The following SSX2IP variants were observed in gnomAD, a reference collection of about 807,000 sequenced individuals.
SSX2IP encodes the protein SSX family member 2 interacting protein, also known as afadin- and alpha-actinin-binding protein.
In SSX2IP, 55 loss-of-function variants were observed where a neutral mutation model predicts 84.9. The observed-to-expected ratio is 0.65, with a 90% confidence interval of 0.52 to 0.81. The LOEUF (loss-of-function observed/expected upper bound fraction) is 0.81. Ranked by LOEUF, SSX2IP falls within the 30% of genes least tolerant of loss-of-function variation. The pLI is 0.00. For missense variants in SSX2IP, 664 were observed against 705.2 expected, an observed-to-expected ratio of 0.94 and a Z score of 0.66; for synonymous variants, 239 against 234.7, an observed-to-expected ratio of 1.02 and a Z score of -0.17.
At chr1:84,664,781 C>G (rs1652527879) in intron 5 of SSX2IP, among the ~76,000 whole-genome samples, 1 of 151,898 alleles carries the variant, frequency 6.6e-6, no homozygotes, top group African/African-American at 2.4e-5. Flanking sequence ...TACCTTTTAC[C>G]TTACATATAG....
Position 84,664,398 on chromosome 1 carries a change from A to C in SSX2IP, c.673+19T>G, listed in dbSNP as rs1328705794. 2 of 1,565,236 alleles carry C rather than the reference A, an allele frequency of 1.3e-6. No individual in the cohort carries two copies. Among genetic ancestry groups the C allele is most frequent in the Admixed American group, 4.0e-5 (2 of 49,576 alleles). On this transcript the variant is annotated intron_variant, in intron 6 of 13. Coordinates refer to ENST00000342203, the MANE Select transcript of SSX2IP (RefSeq NM_001166293.2). ...ATTAGCTTATTTATTCTCTTAGCTGATCTTTGCCAGCTGTTTACCTATTTT... is the reference window on the plus strand; with the variant it reads ...ATTAGCTTATTTATTCTCTTAGCTGCTCTTTGCCAGCTGTTTACCTATTTT...
intron 8 of SSX2IP, among the ~76,000 whole-genome samples, chr1:84,658,816 A>G (rs1338192129): frequency 6.6e-6 from 1 of 152,248 alleles, no homozygotes; most frequent in Non-Finnish European, 1.5e-5. Flanking sequence ...GAGAAGCAGC[A>G]TTACAACTAA....
intron 1 of SSX2IP, among the ~76,000 whole-genome samples, chr1:84,688,698 A>AT (rs565781828): frequency 6.0e-4 from 92 of 152,334 alleles, no homozygotes; most frequent in Admixed American, 3.2e-3. Context: ...TATCTGCCTC[A>AT]TTATGTTTAG....
chr1:84,674,546 T>C (rs1654038041), intron 1 of SSX2IP, among the ~76,000 whole-genome samples: 1 of 152,204 alleles, frequency 6.6e-6, no homozygotes, highest in Non-Finnish European at 1.5e-5. Context: ...TATTTGTAAG[T>C]AAGACAATAG....
intron 11 of SSX2IP, chr1:84,655,346 A>C: frequency 1.8e-6 from 2 of 1,103,120 alleles, no homozygotes; most frequent in Non-Finnish European, 1.1e-6. Flanking sequence ...TTACTGCTAC[A>C]ATTTTTGAAG....
Position 84,662,385 on chromosome 1 carries a change from A to T in SSX2IP, c.750-10T>A, listed in dbSNP as rs1364544755. ...CATTTCATCTTCATTCCTGAGAAAG[A>T]AACTGTCAGTATGAAAATGCAGGAT... On this transcript the variant is annotated splice_polypyrimidine_tract_variant and intron_variant, in intron 7 of 13. Transcript: ENST00000342203. 1 of 1,607,352 alleles carries T rather than the reference A, an allele frequency of 6.2e-7. No individual in the cohort carries two copies. Among genetic ancestry groups the T allele is most frequent in the Non-Finnish European group, 8.5e-7 (1 of 1,177,422 alleles).
intron 1 of SSX2IP, among the ~76,000 whole-genome samples, chr1:84,682,482 T>G (rs1655212382): frequency 6.6e-6 from 1 of 152,062 alleles, no homozygotes; most frequent in Non-Finnish European, 1.5e-5. Flanking sequence ...CAGCTATTTA[T>G]ATCAAAATTA....
At chr1:84,647,712 T>A in intron 13 of SSX2IP, 105 bp from the exon 14 acceptor site, 42 of 668,636 alleles carry the variant, frequency 6.3e-5, no homozygotes, top group East Asian at 9.9e-5. Flanking sequence ...CTTTTAATTC[T>A]AAAAATCTAG....
chr1:84,657,873 G>A (rs1359934707), intron 9 of SSX2IP, among the ~76,000 whole-genome samples: 1 of 152,130 alleles, frequency 6.6e-6, no homozygotes, highest in South Asian at 2.1e-4. Flanking sequence ...TGGCTCACAC[G>A]TGTAATCCAG....
rs61017474 is a variant in SSX2IP at position 84,676,719 on chromosome 1, C to CTTTTTTTTTTT, written c.-89-5422_-89-5412dup. ...GATTTCAAGACTCTGTGCTCTTTTC[C>CTTTTTTTTTTT]TTTTTTTTTTTTTTTTTTTTTGAAA... On this transcript the variant is annotated intron_variant, in intron 1 of 13. Transcript: ENST00000342203. Among the ~76,000 whole-genome samples, 91 of 99,478 alleles carry CTTTTTTTTTTT rather than the reference C, an allele frequency of 9.1e-4. 3 individuals are homozygous for CTTTTTTTTTTT. Among genetic ancestry groups the CTTTTTTTTTTT allele is most frequent in the Admixed American group, 1.4e-3 (10 of 7,112 alleles). 65.3% of individuals were successfully genotyped at this position (99,478 alleles called of 152,430 possible).
At position 84,650,517 on chromosome 1, in the gene SSX2IP, C is replaced by G; in HGVS notation, c.1515G>C (p.Trp505Cys). ...LFSAFSGSSD[W>C]DNLIVHSRQP... ...GCCTCGAGTGCACTATAAGATTGTC[C>G]CAATCAGAACCTGTTGTAAAACAAG... Residue 505 changes from tryptophan to cysteine, a missense_variant, in exon 13 of 14, where the codon TGG becomes TGC. Transcript: ENST00000342203. 6.2e-7 allele frequency: 1 copy of G among 1,613,984 alleles called. No individual in the cohort carries two copies. Among genetic ancestry groups the G allele is most frequent in the Non-Finnish European group, 8.5e-7 (1 of 1,179,990 alleles).
At chr1:84,678,985 C>T (rs1654727820) in intron 1 of SSX2IP, among the ~76,000 whole-genome samples, 1 of 152,148 alleles carries the variant, frequency 6.6e-6, no homozygotes, top group African/African-American at 2.4e-5. Context: ...AAATATTGCA[C>T]AGAATTTTTC....
rs970743740 is a variant in SSX2IP at position 84,645,068 on chromosome 1, C to G, written c.*2365G>C. On this transcript the variant is annotated 3_prime_UTR_variant, in exon 14 of 14. Transcript: ENST00000342203. ...AAAACAAATGAAGTACAAAATATTT[C>G]AGATTTACATAGTGATAAACAAGAA... 6.6e-6 allele frequency: 1 copy of G among 152,130 alleles called. No individual in the cohort carries two copies. Among genetic ancestry groups the G allele is most frequent in the Admixed American group, 6.5e-5 (1 of 15,268 alleles). 9.4% of individuals were successfully genotyped at this position (152,130 alleles called of 1,614,324 possible). A position where few individuals can be genotyped will look rare whatever the true frequency, so the allele number is the denominator to read the frequency against.
intron 13 of SSX2IP, among the ~76,000 whole-genome samples, chr1:84,648,101 G>C (rs920044432): frequency 1.3e-5 from 2 of 152,060 alleles, no homozygotes; most frequent in Non-Finnish European, 2.9e-5. Flanking sequence ...CCATTCTACA[G>C]TGAAGGAACA....
At chr1:84,651,588 C>T (rs966377138) in intron 12 of SSX2IP, among the ~76,000 whole-genome samples, 1 of 151,466 alleles carries the variant, frequency 6.6e-6, no homozygotes, top group Non-Finnish European at 1.5e-5. Flanking sequence ...ATTAGCCAGG[C>T]GTGGTGGCAC....
At chr1:84,675,364 A>G (rs1459432460) in intron 1 of SSX2IP, among the ~76,000 whole-genome samples, 1 of 152,214 alleles carries the variant, frequency 6.6e-6, no homozygotes, top group African/African-American at 2.4e-5. Context: ...TGTGTAACCT[A>G]AAATTCTATC....
In SSX2IP at chr1:84,650,387, T is replaced by TC. The variant is rs1217223853; in HGVS notation, c.1644dup (p.Thr549AspfsTer7). The TC allele has an allele frequency of 1.2e-6, 2 of 1,614,186 alleles. No individual in the cohort carries two copies. The highest frequency in any genetic ancestry group is 3.3e-5 in the Admixed American group (2 of 60,026). On this transcript the variant is annotated frameshift_variant, in exon 13 of 14. Transcript: ENST00000342203. LOFTEE classifies it high-confidence loss of function. ...CTATGTTCAGATATGCAGGAACGTG[T>TC]CTGGCAAAAGTCTGAAGTGGAAGGT...
chr1:84,651,685 G>A (rs1417779680), intron 12 of SSX2IP, among the ~76,000 whole-genome samples, 198 bp downstream of exon 12: 1 of 151,964 alleles, frequency 6.6e-6, no homozygotes, highest in Non-Finnish European at 1.5e-5. Flanking sequence ...CCAAGGTCAC[G>A]TCACTGCACT....
intron 1 of SSX2IP, among the ~76,000 whole-genome samples, chr1:84,680,821 T>C (rs1160930855): frequency 2.0e-5 from 3 of 152,150 alleles, no homozygotes; most frequent in South Asian, 4.1e-4. Context: ...TGCACAAAAA[T>C]ATAACTTTTA....
Sources: gnomAD v4.1 joint callset for allele counts (sites outside exome capture counted in the v4.1 genomes callset) on GRCh38, gnomAD v4.1.1 for gene constraint, MANE v1.5 for transcripts, NCBI Gene and HGNC (gene_info 2026-07-23, HGNC 2026-07-21) for gene names.